Variants in SAMTOR observed in about 807,000 individuals in gnomAD.
The protein encoded by SAMTOR is UPF0532 protein C7orf60.
At chr7:112,894,419 G>T in the SAMTOR span, among the ~76,000 whole-genome samples, 2 of 152,136 alleles carry the variant, frequency 1.3e-5, no homozygotes, top group Non-Finnish European at 2.9e-5. Flanking sequence ...TTGAAATATT[G>T]TGAGAATTAC....
the SAMTOR span, among the ~76,000 whole-genome samples, chr7:112,897,713 A>T: frequency 6.6e-6 from 1 of 152,224 alleles, no homozygotes; most frequent in African/African-American, 2.4e-5. Context: ...GAGGCCACTC[A>T]AAGTACAGAG....
the SAMTOR span, chr7:112,939,747 C>T: frequency 2.5e-6 from 4 of 1,597,360 alleles, no homozygotes; most frequent in Non-Finnish European, 3.4e-6. Flanking sequence ...GCCCCTGGCT[C>T]CATATCGCAG....
chr7:112,853,766 C>G, the SAMTOR span, among the ~76,000 whole-genome samples: 1 of 152,104 alleles, frequency 6.6e-6, no homozygotes, highest in East Asian at 1.9e-4. Flanking sequence ...TCAACCAGAA[C>G]AGCAATTTTG....
chr7:112,933,029 G>A, the SAMTOR span, among the ~76,000 whole-genome samples: 1 of 152,280 alleles, frequency 6.6e-6, no homozygotes, highest in South Asian at 2.1e-4. Context: ...ATTGGTGGGG[G>A]AAGGAAGAGG....
At chr7:112,877,720 C>T in the SAMTOR span, among the ~76,000 whole-genome samples, 1 of 152,128 alleles carries the variant, frequency 6.6e-6, no homozygotes. Flanking sequence ...GTGTCTAGAT[C>T]ATGGGGGCAG....
the SAMTOR span, among the ~76,000 whole-genome samples, chr7:112,928,734 G>A: frequency 6.6e-6 from 1 of 151,940 alleles, no homozygotes; most frequent in Non-Finnish European, 1.5e-5. Context: ...TGTTTTCAAA[G>A]TAAGAGTTCC....
chr7:112,927,854 T>C, the SAMTOR span, among the ~76,000 whole-genome samples: 1 of 152,016 alleles, frequency 6.6e-6, no homozygotes, highest in Non-Finnish European at 1.5e-5. Flanking sequence ...AAAAACAAAT[T>C]CGTAATTTTA....
At chr7:112,819,520 A>G in the SAMTOR span, 1 of 152,274 alleles carries the variant, frequency 6.6e-6, no homozygotes, top group Non-Finnish European at 1.5e-5. Context: ...TTATACACTG[A>G]ATTGGTTTTT....
the SAMTOR span, among the ~76,000 whole-genome samples, chr7:112,856,748 A>G: frequency 6.6e-6 from 1 of 152,240 alleles, no homozygotes. Context: ...TATTGTCCAA[A>G]TGTATTTACA....
At chr7:112,908,891 G>A in the SAMTOR span, among the ~76,000 whole-genome samples, 11 of 152,274 alleles carry the variant, frequency 7.2e-5, 1 homozygote, top group South Asian at 2.3e-3. Context: ...ACGAGACCGG[G>A]TGAGACTGGT....
the SAMTOR span, among the ~76,000 whole-genome samples, chr7:112,929,951 T>G: frequency 6.6e-6 from 1 of 150,394 alleles, no homozygotes; most frequent in Non-Finnish European, 1.5e-5. Context: ...AAGATTATAT[T>G]TCATTAAATT....
the SAMTOR span, among the ~76,000 whole-genome samples, chr7:112,879,770 C>G: frequency 5.9e-5 from 9 of 152,044 alleles, no homozygotes; most frequent in Non-Finnish European, 1.3e-4. Context: ...TCTGCCATGC[C>G]CATAAAATGA....
the SAMTOR span, among the ~76,000 whole-genome samples, chr7:112,834,283 C>G: frequency 2.6e-5 from 4 of 152,086 alleles, no homozygotes; most frequent in Non-Finnish European, 2.9e-5. Flanking sequence ...TGATCATTTT[C>G]TCTAAAAAGT....
the SAMTOR span, chr7:112,935,209 G>C: frequency 4.5e-6 from 2 of 441,830 alleles, no homozygotes; most frequent in Non-Finnish European, 9.0e-6. Context: ...TCTGTTCAAA[G>C]TTTCTTAAGG....
chr7:112,888,703 T>C, the SAMTOR span, among the ~76,000 whole-genome samples: 1 of 152,164 alleles, frequency 6.6e-6, no homozygotes, highest in African/African-American at 2.4e-5. Context: ...TGAAAGATAT[T>C]TGGAGATAAG....
chr7:112,901,900 C>T, the SAMTOR span, among the ~76,000 whole-genome samples: 2 of 152,092 alleles, frequency 1.3e-5, no homozygotes, highest in Non-Finnish European at 2.9e-5. Flanking sequence ...GATACCCTTC[C>T]ATAGGTGGAT....
the SAMTOR span, among the ~76,000 whole-genome samples, chr7:112,924,709 T>C: frequency 0.16 from 24,544 of 152,112 alleles, 2,097 homozygotes; most frequent in Middle Eastern, 0.36. Flanking sequence ...GGAAAAGTTT[T>C]CTAGATTCTC....
the SAMTOR span, among the ~76,000 whole-genome samples, chr7:112,844,280 T>G: frequency 2.6e-5 from 4 of 151,960 alleles, no homozygotes; most frequent in Non-Finnish European, 5.9e-5. Context: ...TCCAGAGCAA[T>G]CGGATAAGAG....
chr7:112,890,496 T>A, the SAMTOR span, among the ~76,000 whole-genome samples: 1 of 152,076 alleles, frequency 6.6e-6, no homozygotes. Flanking sequence ...TTTCTATACT[T>A]TTTAACCAAA....
Sources: allele counts gnomAD v4.1 joint callset (sites outside exome capture counted in the v4.1 genomes callset), GRCh38; gene constraint gnomAD v4.1.1; transcripts MANE v1.5; gene names NCBI Gene and HGNC (gene_info 2026-07-23, HGNC 2026-07-21).